Variants in DDHD1 observed in about 807,000 individuals in gnomAD.
The protein encoded by DDHD1 is DDHD domain containing 1, also known as phospholipase DDHD1.
Under a neutral mutation model 96.4 loss-of-function variants are expected in DDHD1, and 49 were observed. The observed-to-expected ratio is 0.51, with a 90% CI of 0.40 to 0.64. The LOEUF (loss-of-function observed/expected upper bound fraction) is 0.64. Among genes scored for constraint, DDHD1 ranks in the 30% least tolerant of loss-of-function variants. DDHD1 has a pLI of 0.00. For missense variants in DDHD1, 1,106 were observed against 1,161.2 expected (o/e 0.95, Z 0.69); for synonymous variants, 442 against 446.5 (o/e 0.99, Z 0.13).
chr14:53,057,158 A>AT (rs1315299376), intron 9 of DDHD1, among the ~76,000 whole-genome samples: 3 of 152,164 alleles, frequency 2.0e-5, no homozygotes, highest in African/African-American at 4.8e-5. Flanking sequence ...CATATGAGAG[A>AT]TTTTCTAAAA....
chr14:53,055,031 T>C (rs754461559), intron 10 of DDHD1, among the ~76,000 whole-genome samples: 1 of 152,230 alleles, frequency 6.6e-6, no homozygotes, highest in Non-Finnish European at 1.5e-5. Flanking sequence ...ATAAACAATG[T>C]ATTAACATGA....
At chr14:53,098,262 AAATT>A (rs1294698771) in intron 2 of DDHD1, among the ~76,000 whole-genome samples, 2 of 152,114 alleles carry the variant, frequency 1.3e-5, no homozygotes, top group African/African-American at 4.8e-5. Flanking sequence ...CATTTAATAA[AAATT>A]AATATGTTAA....
Position 53,152,762 on chromosome 14 carries a change from T to TGCTGCCGCC in DDHD1, c.336_337insGGCGGCAGC (p.Gly112_Ser113insGlyGlySer), listed in dbSNP as rs140904345. 2.5e-6 allele frequency: 4 copies of TGCTGCCGCC among 1,576,550 alleles called. No individual in the cohort carries two copies. The highest frequency in any genetic ancestry group is 3.4e-6 in the Non-Finnish European group (4 of 1,162,160). On this transcript the variant is annotated inframe_insertion, in exon 1 of 13. Coordinates refer to ENST00000673822, the MANE Select transcript of DDHD1 (RefSeq NM_001160148.2). ...TGCGGCGGGTGCAGCGACAAGGAGC[T>TGCTGCCGCC]GCCGCCGCCGCCGCTCTCACCCTCG...
rs1891520005 is a variant in DDHD1, at chr14:53,152,660, G to A, written c.439C>T (p.Arg147Trp). 1.2e-6 allele frequency: 2 copies of A among 1,612,988 alleles called. No individual in the cohort carries two copies. The highest frequency in any genetic ancestry group is 1.7e-6 in the Non-Finnish European group (2 of 1,179,828). The change falls in exon 1 of 13, where the codon CGG becomes TGG. Residue 147 changes from arginine (R) to tryptophan (W), a missense_variant. Physicochemically the swap from Arg to Trp is moderately radical, Grantham distance 101 (BLOSUM62 -3). Coordinates refer to ENST00000673822, the MANE Select transcript of DDHD1 (RefSeq NM_001160148.2). ...TGCCGGGCCGCCGGGCCGCCAAGCC[G>A]GGTACGTTTCCTTTCCCCGGGGGAC... ...GGSPGERKRT[R>W]LGGPAARHRY...
At chr14:53,146,411 G>A (rs556201857) in intron 1 of DDHD1, among the ~76,000 whole-genome samples, 2 of 151,586 alleles carry the variant, frequency 1.3e-5, no homozygotes, top group South Asian at 2.1e-4. Context: ...GGCTGAAGCA[G>A]GAGAATCGCT....
intron 4 of DDHD1, among the ~76,000 whole-genome samples, chr14:53,085,026 C>T (rs1279027269): frequency 1.3e-5 from 2 of 152,236 alleles, no homozygotes; most frequent in African/African-American, 2.4e-5. Flanking sequence ...ATTGCTAGTG[C>T]AGCAGTATGA....
At chr14:53,143,943 C>T (rs1304732154) in intron 1 of DDHD1, among the ~76,000 whole-genome samples, 1 of 152,182 alleles carries the variant, frequency 6.6e-6, no homozygotes, top group Non-Finnish European at 1.5e-5. Context: ...AGGGCTCAAC[C>T]TTTGTATGTG....
At chr14:53,095,906 A>G (rs1886847661) in intron 2 of DDHD1, among the ~76,000 whole-genome samples, 1 of 152,090 alleles carries the variant, frequency 6.6e-6, no homozygotes, top group Non-Finnish European at 1.5e-5. Context: ...ATCATCTTAA[A>G]CCATTTTAAT....
At position 53,045,333 on chromosome 14, in the gene DDHD1, C is replaced by CA; in HGVS notation, c.*1434dup. The CA allele has an allele frequency of 6.6e-6, 1 of 152,462 alleles. No individual in the cohort carries two copies. The highest frequency in any genetic ancestry group is 1.5e-5 in the Non-Finnish European group (1 of 68,250). The allele number at this position is 152,462 out of a possible 1,614,324, so 9.4% of individuals were successfully genotyped here. ...AACTTCTGGGCTCGGGTGATCCTCC[C>CA]ACCTCAGCCTCTTGAGTAGCTGGGA... On this transcript the variant is annotated 3_prime_UTR_variant, in exon 13 of 13. Coordinates refer to ENST00000673822, the MANE Select transcript of DDHD1 (RefSeq NM_001160148.2).
At chr14:53,067,150 CCTTTT>C (rs924229222) in intron 6 of DDHD1, among the ~76,000 whole-genome samples, 45 of 150,604 alleles carry the variant, frequency 3.0e-4, no homozygotes, top group Non-Finnish European at 6.5e-4. Context: ...GGAAACTATT[CCTTTT>C]CTTTTTTTTT....
intron 1 of DDHD1, among the ~76,000 whole-genome samples, chr14:53,128,546 C>G (rs1023745396): frequency 6.6e-6 from 1 of 152,220 alleles, no homozygotes; most frequent in African/African-American, 2.4e-5. Flanking sequence ...TTCCCCAATA[C>G]CATCACCTAG....
At chr14:53,081,455 A>G (rs890273833) in intron 4 of DDHD1, among the ~76,000 whole-genome samples, 2 of 152,202 alleles carry the variant, frequency 1.3e-5, no homozygotes, top group African/African-American at 2.4e-5. Flanking sequence ...TTTGCACACA[A>G]AAGAGTTCAT....
At chr14:53,103,045 C>A in intron 2 of DDHD1, 2 of 1,568,104 alleles carry the variant, frequency 1.3e-6, no homozygotes, top group Admixed American at 1.9e-5. Context: ...ATAGTTGATC[C>A]CACTGCCTGC....
At chr14:53,053,703 A>G (rs1882802221) in intron 11 of DDHD1, 2 of 152,190 alleles carry the variant, frequency 1.3e-5, no homozygotes, top group South Asian at 4.1e-4. Context: ...TTCAGAATTT[A>G]TATTTCATTA....
intron 8 of DDHD1, among the ~76,000 whole-genome samples, chr14:53,059,623 TG>T (rs1883364185): frequency 6.7e-6 from 1 of 149,146 alleles, no homozygotes; most frequent in South Asian, 2.1e-4. Context: ...CCCAGCACTT[TG>T]GGAGGCCGTG....
chr14:53,141,557 C>A (rs982964155), intron 1 of DDHD1, among the ~76,000 whole-genome samples: 2 of 152,218 alleles, frequency 1.3e-5, no homozygotes. Context: ...TCAATTAAAT[C>A]TGCAAACTAC....
At chr14:53,092,098 T>C (rs1886478329) in intron 3 of DDHD1, 166 bp from the exon 4 acceptor site, 1 of 532,076 alleles carries the variant, frequency 1.9e-6, no homozygotes, top group Non-Finnish European at 3.2e-6. Flanking sequence ...TCAGCTGTGA[T>C]ATAAAGTGAA....
At chr14:53,143,156 GCA>G (rs1372196256) in intron 1 of DDHD1, among the ~76,000 whole-genome samples, 1 of 152,174 alleles carries the variant, frequency 6.6e-6, no homozygotes, top group Non-Finnish European at 1.5e-5. Context: ...TTGCTCAGGG[GCA>G]CAGTGTACAG....
In DDHD1 at chr14:53,045,380, A is replaced by G. The variant is rs966840663; in HGVS notation, c.*1388T>C. The G allele has an allele frequency of 6.6e-6, 1 of 152,028 alleles. No homozygotes were observed. Among genetic ancestry groups the G allele is most frequent in the Non-Finnish European group, 1.5e-5 (1 of 68,046 alleles). The allele number at this position is 152,028 out of a possible 1,614,324, so 9.4% of individuals were successfully genotyped here. A position where few individuals can be genotyped will look rare whatever the true frequency, so the allele number is the denominator to read the frequency against. ...GGGACTACAGGTGTACACCACTACA[A>G]GTGGCTAATTTTTGTCAGTTTTTGC... On this transcript the variant is annotated 3_prime_UTR_variant, in exon 13 of 13. Transcript: ENST00000673822.
Sources: gnomAD v4.1 joint callset for allele counts (sites outside exome capture counted in the v4.1 genomes callset) on GRCh38, gnomAD v4.1.1 for gene constraint, MANE v1.5 for transcripts, NCBI Gene and HGNC (gene_info 2026-07-23, HGNC 2026-07-21) for gene names.